CWF19L2: variants seen among roughly 807,000 people sequenced by gnomAD.
CWF19L2 encodes the protein CWF19 like cell cycle control factor 2.
A neutral mutation model predicts 111.7 loss-of-function variants in CWF19L2; 98 were observed. The observed-to-expected ratio is 0.88, with a 90% confidence interval of 0.75 to 1.04. The LOEUF is 1.04. Ranked by LOEUF, CWF19L2 falls within the 50% of genes least tolerant of loss-of-function variation. CWF19L2 has a pLI of 0.00. For synonymous variants in CWF19L2, 351 were observed against 342.9 expected (o/e 1.02, Z -0.26); for missense variants, 1,101 against 1,051.4 (o/e 1.05, Z -0.65).
At chr11:107,344,181 C>G (rs1227847481) in intron 14 of CWF19L2, among the ~76,000 whole-genome samples, 1 of 152,102 alleles carries the variant, frequency 6.6e-6, no homozygotes, top group African/African-American at 2.4e-5. Flanking sequence ...CCACTGCACT[C>G]CAGCCTGGGT....
intron 12 of CWF19L2, among the ~76,000 whole-genome samples, chr11:107,388,448 T>A (rs1162785543): frequency 6.6e-6 from 1 of 151,954 alleles, no homozygotes; most frequent in African/African-American, 2.4e-5. Flanking sequence ...AGTGGCACGA[T>A]CTCAGGTCAC....
At chr11:107,333,904 C>G (rs1859884829) in intron 16 of CWF19L2, among the ~76,000 whole-genome samples, 1 of 152,162 alleles carries the variant, frequency 6.6e-6, no homozygotes, top group Admixed American at 6.5e-5. Flanking sequence ...TAATAAAATA[C>G]TTTAGGCTTC....
chr11:107,423,597 G>A (rs985517172), intron 8 of CWF19L2, among the ~76,000 whole-genome samples: 2 of 151,626 alleles, frequency 1.3e-5, no homozygotes, highest in African/African-American at 2.4e-5. Context: ...TCTCAACATC[G>A]GCCAACTAAG....
chr11:107,448,624 T>A (rs141896107), intron 3 of CWF19L2, among the ~76,000 whole-genome samples: 1,740 of 152,230 alleles, frequency 0.011, 30 homozygotes, highest in African/African-American at 0.04. Context: ...ACACTCTGAA[T>A]GTTTGTGTCC....
chr11:107,426,945 C>T (rs1037586990), intron 8 of CWF19L2, among the ~76,000 whole-genome samples: 1 of 151,840 alleles, frequency 6.6e-6, no homozygotes, highest in Admixed American at 6.6e-5. Flanking sequence ...ACCTATGCTT[C>T]ATATTCTTGT....
At chr11:107,443,987 A>G (rs1172948866) in intron 3 of CWF19L2, among the ~76,000 whole-genome samples, 4 of 152,118 alleles carry the variant, frequency 2.6e-5, no homozygotes, top group Admixed American at 1.3e-4. Context: ...AAAGATTTTG[A>G]TAACTCTTTC....
At chr11:107,355,416 A>C (rs1400692642) in intron 12 of CWF19L2, among the ~76,000 whole-genome samples, 1 of 9,168 alleles carries the variant, frequency 1.1e-4, no homozygotes, top group East Asian at 2.9e-3. Flanking sequence ...ACTCCGTCTC[A>C]AAAAAAAAAA....
chr11:107,431,759 T>C (rs113126572), intron 7 of CWF19L2, among the ~76,000 whole-genome samples: 6 of 151,954 alleles, frequency 3.9e-5, no homozygotes, highest in African/African-American at 1.4e-4. Context: ...CAGGAAAAGA[T>C]AGAAAAATCA....
At chr11:107,354,077 T>C (rs1018067511) in intron 12 of CWF19L2, among the ~76,000 whole-genome samples, 1 of 151,500 alleles carries the variant, frequency 6.6e-6, no homozygotes, top group African/African-American at 2.4e-5. Flanking sequence ...AAAATTCACA[T>C]ATACACTATA....
chr11:107,359,074 A>C (rs1169352783), intron 12 of CWF19L2, among the ~76,000 whole-genome samples: 1 of 152,172 alleles, frequency 6.6e-6, no homozygotes, highest in East Asian at 1.9e-4. Flanking sequence ...TGCACAGATA[A>C]AAGTTACACA....
At position 107,441,646 on chromosome 11, in the gene CWF19L2, T is replaced by G. The variant is rs764838025; in HGVS notation, c.451-24A>C. 4.7e-6 allele frequency: 7 copies of G among 1,503,086 alleles called. No individual in the cohort carries two copies. In the South Asian group the frequency reaches 9.4e-5, roughly 20 times the overall value. 93.1% of individuals were successfully genotyped at this position (1,503,086 alleles called of 1,614,324 possible). Reference sequence around the variant, plus strand: ...CTCTGTTAAAAAAAAAGACATAAAATCAACAGTCATCCACTCATCATTTCA... The same window carrying G: ...CTCTGTTAAAAAAAAAGACATAAAAGCAACAGTCATCCACTCATCATTTCA... On this transcript the variant is annotated intron_variant, in intron 4 of 17. Transcript: ENST00000282251.
intron 14 of CWF19L2, among the ~76,000 whole-genome samples, chr11:107,338,539 TA>T (rs1415408753): frequency 6.6e-6 from 1 of 152,158 alleles, no homozygotes; most frequent in African/African-American, 2.4e-5. Flanking sequence ...AACCATCAGT[TA>T]TTCTTCCTGA....
intron 13 of CWF19L2, among the ~76,000 whole-genome samples, chr11:107,351,192 AG>A (rs1860151890): frequency 6.6e-6 from 1 of 152,234 alleles, no homozygotes; most frequent in South Asian, 2.1e-4. Context: ...GACTTGAACC[AG>A]GGTGGTAGAA....
intron 13 of CWF19L2, among the ~76,000 whole-genome samples, chr11:107,349,807 G>C (rs1031566488): frequency 2.0e-5 from 3 of 152,082 alleles, no homozygotes; most frequent in African/African-American, 7.2e-5. Flanking sequence ...CAAAGTAGGA[G>C]TGGACATGGA....
intron 6 of CWF19L2, 131 bp from the exon 7 acceptor site, chr11:107,433,880 T>TTATATATATATATATATATATA (rs61304388): frequency 8.2e-6 from 1 of 122,138 alleles, no homozygotes. Context: ...CTTTGGAATT[T>TTATATATATATATATATATATA]TATATATATA....
intron 12 of CWF19L2, among the ~76,000 whole-genome samples, chr11:107,361,311 G>A (rs940903746): frequency 7.2e-5 from 11 of 152,148 alleles, no homozygotes; most frequent in Admixed American, 5.9e-4. Flanking sequence ...CCATTGATCT[G>A]GCTGTCTATT....
At chr11:107,419,717 T>C (rs1861277549) in intron 8 of CWF19L2, among the ~76,000 whole-genome samples, 1 of 152,116 alleles carries the variant, frequency 6.6e-6, no homozygotes, top group African/African-American at 2.4e-5. Context: ...GAAGTAGAGT[T>C]TGGTGAACTT....
At chr11:107,434,564 C>A (rs1032708504) in intron 6 of CWF19L2, among the ~76,000 whole-genome samples, 1 of 151,086 alleles carries the variant, frequency 6.6e-6, no homozygotes, top group Admixed American at 6.6e-5. Flanking sequence ...CATAGCAGAA[C>A]ACTGCAATAA....
intron 8 of CWF19L2, among the ~76,000 whole-genome samples, chr11:107,422,391 A>C (rs1362202906): frequency 6.6e-6 from 1 of 152,036 alleles, no homozygotes; most frequent in East Asian, 1.9e-4. Flanking sequence ...ACTGTAGTCT[A>C]TAATGAAAGA....
Sources: gnomAD v4.1 joint callset for allele counts (sites outside exome capture counted in the v4.1 genomes callset) on GRCh38, gnomAD v4.1.1 for gene constraint, MANE v1.5 for transcripts, NCBI Gene and HGNC (gene_info 2026-07-23, HGNC 2026-07-21) for gene names.